The following TSHZ2 variants were observed in gnomAD, a reference collection of about 807,000 sequenced individuals.
TSHZ2 encodes teashirt zinc finger homeobox 2, also known as teashirt homolog 2.
Under a neutral mutation model 74.4 loss-of-function variants are expected in TSHZ2, and 21 were observed. The ratio of observed to expected loss-of-function variants is 0.28; its 90% CI spans 0.20 to 0.41. TSHZ2 has a LOEUF of 0.41. Ranked by LOEUF, TSHZ2 falls within the 10% of genes least tolerant of loss-of-function variation. TSHZ2 has a pLI of 1.00. For synonymous variants in TSHZ2, 540 were observed against 515.3 expected (o/e 1.05, Z -0.65); for missense variants, 1,244 against 1,293.5 (o/e 0.96, Z 0.59).
chr20:53,251,198 T>G (rs1990322246), intron 1 of TSHZ2, among the ~76,000 whole-genome samples: 1 of 152,216 alleles, frequency 6.6e-6, no homozygotes, highest in South Asian at 2.1e-4. Flanking sequence ...TTAGTTGGCC[T>G]GGAACATCCT....
intron 2 of TSHZ2, among the ~76,000 whole-genome samples, chr20:53,440,668 G>C (rs951535907): frequency 2.0e-5 from 3 of 152,200 alleles, no homozygotes; most frequent in African/African-American, 7.2e-5. Context: ...CTGTGCCGTA[G>C]AGTTGGGGAG....
intron 2 of TSHZ2, among the ~76,000 whole-genome samples, chr20:53,340,872 G>A (rs1006434711): frequency 1.3e-5 from 2 of 152,186 alleles, no homozygotes; most frequent in African/African-American, 4.8e-5. Context: ...CCCTGCATCT[G>A]TGTTCGCTTG....
intron 2 of TSHZ2, among the ~76,000 whole-genome samples, chr20:53,355,983 A>T (rs1028230454): frequency 2.6e-5 from 4 of 152,322 alleles, no homozygotes; most frequent in African/African-American, 9.6e-5. Context: ...GAAGGCAAGG[A>T]TGGCTTGAGT....
chr20:53,075,703 C>T (rs1409186938), intron 1 of TSHZ2, among the ~76,000 whole-genome samples: 1 of 152,152 alleles, frequency 6.6e-6, no homozygotes, highest in Non-Finnish European at 1.5e-5. Flanking sequence ...AGGGTGATCA[C>T]CAGCCCAGGC....
intron 1 of TSHZ2, among the ~76,000 whole-genome samples, chr20:53,155,009 G>A (rs1264816717): frequency 6.8e-6 from 1 of 147,412 alleles, no homozygotes; most frequent in Non-Finnish European, 1.5e-5. Context: ...TAGTTAATAT[G>A]TGTGAGACTT....
At chr20:53,156,459 G>A (rs559056437) in intron 1 of TSHZ2, among the ~76,000 whole-genome samples, 5 of 152,282 alleles carry the variant, frequency 3.3e-5, no homozygotes, top group African/African-American at 1.2e-4. Context: ...CATTCCAGAA[G>A]GAGAGCACTT....
intron 2 of TSHZ2, among the ~76,000 whole-genome samples, chr20:53,484,920 C>A (rs1568938301): frequency 6.6e-6 from 1 of 152,242 alleles, no homozygotes; most frequent in South Asian, 2.1e-4. Flanking sequence ...AATTTGGAAG[C>A]TTTCCTTTTC....
intron 2 of TSHZ2, among the ~76,000 whole-genome samples, chr20:53,420,882 G>C (rs1471779985): frequency 6.6e-6 from 1 of 152,246 alleles, no homozygotes; most frequent in Non-Finnish European, 1.5e-5. Flanking sequence ...AAGATGGGAA[G>C]TCTTGCAGTA....
chr20:53,100,300 C>T (rs1986179179), intron 1 of TSHZ2, among the ~76,000 whole-genome samples: 1 of 152,150 alleles, frequency 6.6e-6, no homozygotes, highest in African/African-American at 2.4e-5. Context: ...CCTTTGCCTT[C>T]CCGTTTTCCA....
At chr20:53,482,437 G>A (rs144048771) in intron 2 of TSHZ2, among the ~76,000 whole-genome samples, 3 of 152,326 alleles carry the variant, frequency 2.0e-5, no homozygotes, top group Non-Finnish European at 4.4e-5. Context: ...GATAACCTGA[G>A]TCAAGAATCA....
intron 1 of TSHZ2, among the ~76,000 whole-genome samples, chr20:53,106,998 C>T (rs1986396900): frequency 6.6e-6 from 1 of 152,140 alleles, no homozygotes; most frequent in Non-Finnish European, 1.5e-5. Context: ...GCGCCTGGCC[C>T]TTCTCACACT....
At chr20:53,092,456 T>C (rs1985912461) in intron 1 of TSHZ2, among the ~76,000 whole-genome samples, 1 of 152,206 alleles carries the variant, frequency 6.6e-6, no homozygotes, top group South Asian at 2.1e-4. Context: ...TGTGGGTTGC[T>C]AGTATATTTT....
intron 1 of TSHZ2, among the ~76,000 whole-genome samples, chr20:53,137,528 C>G (rs922583784): frequency 6.6e-6 from 1 of 152,120 alleles, no homozygotes; most frequent in African/African-American, 2.4e-5. Context: ...TCTAGCCCAT[C>G]ACAGTTGCCA....
At chr20:53,094,737 T>G (rs997104085) in intron 1 of TSHZ2, among the ~76,000 whole-genome samples, 4 of 152,182 alleles carry the variant, frequency 2.6e-5, no homozygotes, top group Admixed American at 2.0e-4. Context: ...ACCTAGACTC[T>G]TCACAAGATA....
Position 53,489,056 on chromosome 20 carries a change from G to A in TSHZ2, c.*1921G>A, listed in dbSNP as rs1986374740. 2.2e-6 allele frequency: 1 copy of A among 456,118 alleles called. No homozygotes were observed. The highest frequency in any genetic ancestry group is 4.4e-6 in the Non-Finnish European group (1 of 226,960). The allele number at this position is 456,118 out of a possible 1,614,324, so 28.3% of individuals were successfully genotyped here. A position where few individuals can be genotyped will look rare whatever the true frequency, so the allele number is the denominator to read the frequency against. On this transcript the variant is annotated 3_prime_UTR_variant, in exon 3 of 3. Coordinates refer to ENST00000371497, the MANE Select transcript of TSHZ2 (RefSeq NM_173485.6). The stretch of plus-strand genomic sequence containing the variant: ...CCCCTCACATCATCGGATTGAGATG[G>A]CAGTCGAAATAGCTTCATTGAAGTG...
intron 2 of TSHZ2, among the ~76,000 whole-genome samples, chr20:53,297,940 G>A (rs1461917891): frequency 1.3e-5 from 2 of 152,214 alleles, no homozygotes; most frequent in African/African-American, 4.8e-5. Context: ...AATTGGCTAT[G>A]AAATTGTACA....
At chr20:53,251,473 G>A (rs909428250) in intron 1 of TSHZ2, among the ~76,000 whole-genome samples, 2 of 152,092 alleles carry the variant, frequency 1.3e-5, no homozygotes, top group Non-Finnish European at 2.9e-5. Flanking sequence ...AATCTAATTC[G>A]GCCATATGGT....
intron 1 of TSHZ2, among the ~76,000 whole-genome samples, chr20:52,996,312 TTTATTTA>T (rs1982189719): frequency 3.4e-5 from 2 of 58,830 alleles, no homozygotes; most frequent in African/African-American, 7.7e-5. Flanking sequence ...CAGGTTTTTA[TTTATTTA>T]TTTATTTATT....
chr20:53,203,512 T>A (rs909316959), intron 1 of TSHZ2, among the ~76,000 whole-genome samples: 2 of 151,836 alleles, frequency 1.3e-5, no homozygotes, highest in Non-Finnish European at 2.9e-5. Context: ...AACTCATAGG[T>A]CTACAGGGGC....
Sources: gnomAD v4.1 joint callset for allele counts (sites outside exome capture counted in the v4.1 genomes callset) on GRCh38, gnomAD v4.1.1 for gene constraint, MANE v1.5 for transcripts, NCBI Gene and HGNC (gene_info 2026-07-23, HGNC 2026-07-21) for gene names.